The following PCDHA6 variants were observed in gnomAD, a reference collection of about 807,000 sequenced individuals.
The protein encoded by PCDHA6 is protocadherin alpha-6.
Under a neutral mutation model 60.3 loss-of-function variants are expected in PCDHA6, and 55 were observed. That is an observed-to-expected ratio of 0.91 (90% CI 0.73 to 1.14). PCDHA6 has a LOEUF of 1.14. Among genes scored for constraint, PCDHA6 ranks in the 50% most tolerant of loss-of-function variants. PCDHA6 has a pLI of 0.00. For missense variants in PCDHA6, 1,327 were observed against 1,256.5 expected (o/e 1.06, Z -0.85); for synonymous variants, 652 against 557.9 (o/e 1.17, Z -2.38).
chr5:140,848,763 A>G, intron 1 of PCDHA6: 3 of 1,593,392 alleles, frequency 1.9e-6, no homozygotes, highest in Non-Finnish European at 2.6e-6. Context: ...GAATTCTCGG[A>G]TCGACCGCGA....
chr5:140,949,074 C>T (rs2094343019), intron 1 of PCDHA6, among the ~76,000 whole-genome samples: 1 of 151,780 alleles, frequency 6.6e-6, no homozygotes, highest in African/African-American at 2.4e-5. Flanking sequence ...AACTCTTTCA[C>T]CCATTTATTA....
At chr5:140,831,655 G>C (rs2150196678) in intron 1 of PCDHA6, among the ~76,000 whole-genome samples, 27 of 151,452 alleles carry the variant, frequency 1.8e-4, no homozygotes, top group African/African-American at 6.1e-4. Context: ...GAGCCACTAT[G>C]CTTGGCTAGT....
chr5:140,872,444 T>C (rs2053673560), intron 1 of PCDHA6, among the ~76,000 whole-genome samples: 2 of 152,002 alleles, frequency 1.3e-5, no homozygotes, highest in Admixed American at 1.3e-4. Flanking sequence ...CTGGACAACA[T>C]AGCGAGATCC....
At chr5:140,891,232 C>T (rs1562856029) in intron 1 of PCDHA6, among the ~76,000 whole-genome samples, 1 of 151,946 alleles carries the variant, frequency 6.6e-6, no homozygotes, top group Non-Finnish European at 1.5e-5. Context: ...TCATCCTGTT[C>T]TGGATTCAGT....
chr5:140,844,542 G>T (rs1779426877), intron 1 of PCDHA6, among the ~76,000 whole-genome samples: 1 of 149,020 alleles, frequency 6.7e-6, no homozygotes, highest in Admixed American at 6.7e-5. Flanking sequence ...TCAACCCTTT[G>T]TTCATGAGTT....
At chr5:140,882,611 C>T in intron 1 of PCDHA6, 1 of 1,614,252 alleles carries the variant, frequency 6.2e-7, no homozygotes, top group Non-Finnish European at 8.5e-7. Context: ...CAGGCCTCTG[C>T]AGGTTTTCCA....
chr5:140,846,015 G>C (rs567874372), intron 1 of PCDHA6, among the ~76,000 whole-genome samples: 1 of 149,618 alleles, frequency 6.7e-6, no homozygotes, highest in South Asian at 2.1e-4. Flanking sequence ...AAATCTAAAA[G>C]TTATTACGAG....
At chr5:141,004,573 G>A (rs2098171340) in intron 3 of PCDHA6, among the ~76,000 whole-genome samples, 1 of 152,220 alleles carries the variant, frequency 6.6e-6, no homozygotes, top group South Asian at 2.1e-4. Context: ...ATATCTCTGT[G>A]TTCTGCATCT....
chr5:140,948,709 CT>C (rs144736017), intron 1 of PCDHA6, among the ~76,000 whole-genome samples: 2,043 of 151,408 alleles, frequency 0.013, 38 homozygotes, highest in African/African-American at 0.047. Context: ...GTGTTCTATC[CT>C]CTTTTTTATC....
rs1554169498 is a variant in PCDHA6 at position 140,877,227 on chromosome 5, G to A, written c.2394+46742G>A. On this transcript the variant is annotated intron_variant, in intron 1 of 3. Transcript: ENST00000529310. ...TTAGCGAGTTGGTACCGCGGTCGGT[G>A]GGTGCGGGCCACGTGGTGGCGAAAG... The A allele has an allele frequency of 1.9e-6, 3 of 1,613,738 alleles. No homozygotes were observed. The South Asian group carries it at 3.3e-5, about 18-fold the overall frequency.
At chr5:140,842,375 C>T (rs1430792130) in intron 1 of PCDHA6, 3 of 1,609,572 alleles carry the variant, frequency 1.9e-6, no homozygotes, top group Non-Finnish European at 2.6e-6. Flanking sequence ...TGAGATAGCA[C>T]TGACTTCCTT....
chr5:140,841,555 T>C lies in PCDHA6; in HGVS notation c.2394+11070T>C, dbSNP rs1224364793. 2.5e-6 allele frequency: 4 copies of C among 1,613,708 alleles called. No homozygotes were observed. In the African/African-American group the frequency reaches 5.3e-5, roughly 22 times the overall value. On this transcript the variant is annotated intron_variant, in intron 1 of 3. Transcript: ENST00000529310. Reference sequence around the variant, plus strand: ...GACACCGGGACCTTCTGGAGGTAAGTCTGCAGAATGGCATTTTGTTTGTGA... The same window carrying C: ...GACACCGGGACCTTCTGGAGGTAAGCCTGCAGAATGGCATTTTGTTTGTGA...
chr5:140,841,002 A>G (rs1288568403), intron 1 of PCDHA6, among the ~76,000 whole-genome samples: 1 of 152,084 alleles, frequency 6.6e-6, no homozygotes, highest in African/African-American at 2.4e-5. Flanking sequence ...TAATGTAAGG[A>G]GCCAGACAGT....
chr5:140,992,017 C>CTGTG (rs10602499), intron 3 of PCDHA6, among the ~76,000 whole-genome samples: 5,022 of 145,578 alleles, frequency 0.034, 175 homozygotes, highest in African/African-American at 0.093. Context: ...AGAGGTGGCT[C>CTGTG]TGTGTGTGTG....
At chr5:140,872,850 G>T (rs1439631581) in intron 1 of PCDHA6, among the ~76,000 whole-genome samples, 2 of 152,084 alleles carry the variant, frequency 1.3e-5, no homozygotes, top group African/African-American at 4.8e-5. Context: ...ATATATTAAT[G>T]TGAGTACCTA....
rs185481644 is a variant in PCDHA6, at chr5:140,906,049, T to C, written c.2395-72900T>C. 1.7e-3 allele frequency among the ~76,000 whole-genome samples: 263 copies of C among 152,304 alleles called. 2 individuals are homozygous for C. Among genetic ancestry groups the C allele is most frequent in the African/African-American group, 5.9e-3 (247 of 41,562 alleles). ...TTCTTCTGTCTGCTTTTATTCTGGC[T>C]GCACTGGCAGCTGATTAGATCGCAC... On this transcript the variant is annotated intron_variant, in intron 1 of 3. Transcript: ENST00000529310.
At chr5:140,900,456 T>C (rs902615387) in intron 1 of PCDHA6, among the ~76,000 whole-genome samples, 3 of 152,210 alleles carry the variant, frequency 2.0e-5, no homozygotes, top group Non-Finnish European at 2.9e-5. Flanking sequence ...TTTTTATTTT[T>C]AGTAGACACG....
chr5:140,868,272 A>C (rs1050467999), intron 1 of PCDHA6: 1 of 152,090 alleles, frequency 6.6e-6, no homozygotes, highest in Non-Finnish European at 1.5e-5. Context: ...CTTTTTTAAA[A>C]CTACCAAGTT....
At chr5:140,851,273 G>C in intron 1 of PCDHA6, 1 of 1,057,916 alleles carries the variant, frequency 9.5e-7, no homozygotes, top group African/African-American at 1.7e-5. Flanking sequence ...TACTTGTATT[G>C]TTTATAAGAA....
Sources: allele counts gnomAD v4.1 joint callset (sites outside exome capture counted in the v4.1 genomes callset), GRCh38; gene constraint gnomAD v4.1.1; transcripts MANE v1.5; gene names NCBI Gene and HGNC (gene_info 2026-07-23, HGNC 2026-07-21).